The following USP15 variants were observed in gnomAD, a reference collection of about 807,000 sequenced individuals.
USP15 encodes the protein ubiquitin specific peptidase 15.
A neutral mutation model predicts 127.1 loss-of-function variants in USP15; 18 were observed. The observed-to-expected ratio is 0.14, with a 90% confidence interval of 0.10 to 0.21. The LOEUF is 0.21. Ranked by LOEUF, USP15 falls within the 10% of genes least tolerant of loss-of-function variation. The pLI is 1.00. For synonymous variants in USP15, 364 were observed against 393.7 expected (o/e 0.92, Z 0.89); for missense variants, 805 against 1,159.9 (o/e 0.69, Z 4.44).
chr12:62,322,892 A>G lies in USP15; in HGVS notation c.621+1283A>G, dbSNP rs140483996. 2.6e-3 allele frequency among the ~76,000 whole-genome samples: 400 copies of G among 152,268 alleles called. 5 individuals are homozygous for G. The highest frequency in any genetic ancestry group is 0.021 in the South Asian group (100 of 4,818). On this transcript the variant is annotated intron_variant, in intron 5 of 21. Coordinates refer to ENST00000280377, the MANE Select transcript of USP15 (RefSeq NM_001252078.2). ...TTCCCTGAACACACTATGCTATTCC[A>G]TATTCTTGTGCTTTCTGATGTGTTA...
At chr12:62,321,720 T>G in intron 5 of USP15, 111 bp downstream of exon 5, 1 of 843,110 alleles carries the variant, frequency 1.2e-6, no homozygotes, top group Non-Finnish European at 1.6e-6. Flanking sequence ...GGCTTCCTCT[T>G]TCTAAACTCA....
chr12:62,368,384 G>T (rs1043529401), intron 8 of USP15, among the ~76,000 whole-genome samples: 4 of 152,094 alleles, frequency 2.6e-5, no homozygotes, highest in Admixed American at 2.6e-4. Context: ...CTCTCTCATT[G>T]ATCTGTCTAA....
chr12:62,397,345 G>A lies in USP15; in HGVS notation c.2674+947G>A, dbSNP rs76002113. 1.1e-4 allele frequency among the ~76,000 whole-genome samples: 16 copies of A among 152,268 alleles called. 1 individual carries two copies. In the East Asian group the frequency reaches 3.1e-3, roughly 29 times the overall value. On this transcript the variant is annotated intron_variant, in intron 20 of 21. Transcript: ENST00000280377. ...CATCAAAGTCTAGTAGAATTAACCT[G>A]TAAAGCCATCTAGGCTTTGCAGCCA...
rs919173839 is a variant in USP15, at chr12:62,416,101, A to T, written c.*11726A>T. Reference sequence around the variant, plus strand: ...CATCTAATTCCTCACTTGCCCTCAAACATGTCATACTACTTGACAATGGGG... The same window carrying T: ...CATCTAATTCCTCACTTGCCCTCAATCATGTCATACTACTTGACAATGGGG... On this transcript the variant is annotated 3_prime_UTR_variant, in exon 22 of 22. Coordinates refer to ENST00000280377, the MANE Select transcript of USP15 (RefSeq NM_001252078.2). 6.6e-6 allele frequency: 1 copy of T among 152,184 alleles called. No individual in the cohort carries two copies. The highest frequency in any genetic ancestry group is 1.5e-5 in the Non-Finnish European group (1 of 68,028). The allele number at this position is 152,184 out of a possible 1,614,324, so 9.4% of individuals were successfully genotyped here.
intron 1 of USP15, among the ~76,000 whole-genome samples, chr12:62,286,548 A>G (rs1009502582): frequency 6.6e-6 from 1 of 152,194 alleles, no homozygotes; most frequent in African/African-American, 2.4e-5. Context: ...TCTACCAAAA[A>G]GACACTTACA....
intron 20 of USP15, among the ~76,000 whole-genome samples, chr12:62,398,213 G>C (rs2067560352): frequency 6.6e-6 from 1 of 151,880 alleles, no homozygotes; most frequent in South Asian, 2.1e-4. Context: ...GGCTGGTCTT[G>C]AACTCCTGGG....
At chr12:62,382,284 T>C (rs2067014061) in intron 9 of USP15, among the ~76,000 whole-genome samples, 1 of 144,764 alleles carries the variant, frequency 6.9e-6, no homozygotes, top group Non-Finnish European at 1.5e-5. Context: ...AATTTAGCTT[T>C]ATATTGTTAA....
In USP15 at chr12:62,260,414, G is replaced by A. The variant is rs925012005; in HGVS notation, c.-1G>A. The stretch of plus-strand genomic sequence containing the variant: ...ACCTCCCCTACCGCTAGTGGAAGAA[G>A]ATGGCGGAAGGCGGAGCGGCGGATC... On this transcript the variant is annotated 5_prime_UTR_variant, in exon 1 of 22. Coordinates refer to ENST00000280377, the MANE Select transcript of USP15 (RefSeq NM_001252078.2). The A allele has an allele frequency of 1.9e-6, 3 of 1,550,878 alleles. No individual in the cohort carries two copies. The highest frequency in any genetic ancestry group is 2.7e-5 in the African/African-American group (2 of 73,074).
chr12:62,381,657 C>G lies in USP15; in HGVS notation c.1083C>G (p.Ala361=), dbSNP rs778597685. The change falls in exon 9 of 22, where the codon GCC becomes GCG. Residue 361 remains alanine, a synonymous_variant. Transcript: ENST00000280377. Reference sequence around the variant, plus strand: ...AGTTTAGCTACGTCACCCCAAGAGCCTTTAAGGTTAGTGTGGTAAATGCAT... The same window carrying G: ...AGTTTAGCTACGTCACCCCAAGAGCGTTTAAGGTTAGTGTGGTAAATGCAT... The part of the protein sequence containing the change: ...SGKFSYVTPR[A]FKTQVGRFAP... 1 of 1,609,364 alleles carries G rather than the reference C, an allele frequency of 6.2e-7. No homozygotes were observed. Among genetic ancestry groups the G allele is most frequent in the Admixed American group, 1.7e-5 (1 of 59,666 alleles).
intron 5 of USP15, 85 bp downstream of exon 5, chr12:62,321,694 G>A: frequency 8.9e-7 from 1 of 1,118,618 alleles, no homozygotes; most frequent in Non-Finnish European, 1.2e-6. Flanking sequence ...AATATATAAT[G>A]GGCTGTACTG....
At chr12:62,321,958 A>G (rs2064997932) in intron 5 of USP15, among the ~76,000 whole-genome samples, 1 of 152,222 alleles carries the variant, frequency 6.6e-6, no homozygotes, top group African/African-American at 2.4e-5. Context: ...TGCAGGCCAT[A>G]AAGTAGCATC....
chr12:62,309,855 C>T (rs947030761), intron 3 of USP15, among the ~76,000 whole-genome samples: 3 of 151,668 alleles, frequency 2.0e-5, no homozygotes, highest in African/African-American at 7.2e-5. Flanking sequence ...AAAAAAACTC[C>T]TAGAAAACTA....
At chr12:62,388,318 C>G (rs868599053) in intron 11 of USP15, among the ~76,000 whole-genome samples, 1 of 151,904 alleles carries the variant, frequency 6.6e-6, no homozygotes, top group Middle Eastern at 3.4e-3. Context: ...ATTTTTGTAG[C>G]AACAGGGTTT....
intron 1 of USP15, among the ~76,000 whole-genome samples, chr12:62,263,776 A>C (rs1280757498): frequency 6.6e-6 from 1 of 152,234 alleles, no homozygotes; most frequent in Non-Finnish European, 1.5e-5. Context: ...AAACACGAAC[A>C]AAATTTAGAG....
rs995140647 is a variant in USP15 at position 62,281,618 on chromosome 12, C to T, written c.90-12561C>T. Among the ~76,000 whole-genome samples, 12 of 152,254 alleles carry T rather than the reference C, an allele frequency of 7.9e-5. No homozygotes were observed. The South Asian group carries it at 8.3e-4, about 11-fold the overall frequency. On this transcript the variant is annotated intron_variant, in intron 1 of 21. Transcript: ENST00000280377. ...CCTCCCACAGTGCTGGGATTACAGG[C>T]GTGAGCCACAGCACCTGGCCAGATT...
At chr12:62,316,069 G>A (rs2064821709) in intron 4 of USP15, among the ~76,000 whole-genome samples, 1 of 152,124 alleles carries the variant, frequency 6.6e-6, no homozygotes, top group Non-Finnish European at 1.5e-5. Flanking sequence ...TGGATCGCCT[G>A]AAGTGAGGAG....
intron 1 of USP15, among the ~76,000 whole-genome samples, chr12:62,271,370 C>T (rs1396119240): frequency 6.6e-6 from 1 of 151,830 alleles, no homozygotes; most frequent in African/African-American, 2.4e-5. Flanking sequence ...AGAGAGGGGC[C>T]CACAAGGGGC....
In USP15 at chr12:62,391,895, TC is replaced by T; in HGVS notation, c.2304+10del. 1 of 1,601,200 alleles carries T rather than the reference TC, an allele frequency of 6.2e-7. No homozygotes were observed. The highest frequency in any genetic ancestry group is 1.3e-5 in the African/African-American group (1 of 74,562). ...ATGAAAATGCTGCTGAGGTAAGTCA[TC>T]ACTCACTCACTTATTTACCTTTCCT... On this transcript the variant is annotated intron_variant, in intron 17 of 21. Transcript: ENST00000280377.
chr12:62,296,272 T>C (rs2064124229), intron 2 of USP15, among the ~76,000 whole-genome samples: 1 of 152,204 alleles, frequency 6.6e-6, no homozygotes, highest in Admixed American at 6.5e-5. Context: ...ACTTCAGCCT[T>C]GTAAAGCCCT....
Sources: allele counts gnomAD v4.1 joint callset (sites outside exome capture counted in the v4.1 genomes callset), GRCh38; gene constraint gnomAD v4.1.1; transcripts MANE v1.5; gene names NCBI Gene and HGNC (gene_info 2026-07-23, HGNC 2026-07-21).